NCAM2: variants seen among roughly 807,000 people sequenced by gnomAD.
NCAM2 encodes neural cell adhesion molecule 2, also known as N-CAM-2.
A neutral mutation model predicts 98.1 loss-of-function variants in NCAM2; 30 were observed. The observed-to-expected ratio is 0.31, with a 90% CI of 0.23 to 0.41. The LOEUF is 0.41. NCAM2 is among the 10% of genes least tolerant of loss of function. NCAM2 has a pLI of 1.00. For missense variants in NCAM2, 867 were observed against 1,005.8 expected, an observed-to-expected ratio of 0.86 and a Z score of 1.87; for synonymous variants, 368 against 342.4, an observed-to-expected ratio of 1.07 and a Z score of -0.83.
At chr21:21,295,625 C>G (rs1601894184) in intron 5 of NCAM2, among the ~76,000 whole-genome samples, 2 of 151,854 alleles carry the variant, frequency 1.3e-5, no homozygotes, top group South Asian at 4.1e-4. Flanking sequence ...TTCCTTCCGC[C>G]ATGAAAAGAG....
At chr21:21,458,413 G>A (rs1982470810) in intron 12 of NCAM2, among the ~76,000 whole-genome samples, 1 of 152,328 alleles carries the variant, frequency 6.6e-6, no homozygotes, top group South Asian at 2.1e-4. Context: ...GAGCCGCTGG[G>A]CCCCAGCAGA....
intron 9 of NCAM2, among the ~76,000 whole-genome samples, chr21:21,379,396 A>G (rs1457863514): frequency 6.6e-6 from 1 of 152,064 alleles, no homozygotes; most frequent in African/African-American, 2.4e-5. Flanking sequence ...ATAGAATCAC[A>G]TAACTCCAGA....
chr21:21,023,289 C>T (rs868610102), intron 1 of NCAM2, among the ~76,000 whole-genome samples: 5 of 151,946 alleles, frequency 3.3e-5, no homozygotes, highest in East Asian at 1.9e-4. Context: ...TTTGGGAGGC[C>T]GAGGTGGACA....
intron 1 of NCAM2, among the ~76,000 whole-genome samples, chr21:21,142,519 C>T (rs1478440472): frequency 2.0e-5 from 3 of 149,998 alleles, no homozygotes; most frequent in Non-Finnish European, 4.4e-5. Flanking sequence ...GCTGGGACTA[C>T]AGGCGTCCGC....
intron 1 of NCAM2, among the ~76,000 whole-genome samples, chr21:21,027,807 G>T (rs914797994): frequency 2.6e-5 from 4 of 151,318 alleles, no homozygotes; most frequent in Non-Finnish European, 1.5e-5. Context: ...TGTCAAAATT[G>T]AGTCCTGAAT....
At chr21:21,009,299 C>T (rs2064164130) in intron 1 of NCAM2, among the ~76,000 whole-genome samples, 1 of 152,048 alleles carries the variant, frequency 6.6e-6, no homozygotes, top group South Asian at 2.1e-4. Context: ...GTTTTGTTTA[C>T]ATCACTGACA....
chr21:21,197,350 G>A (rs960603496), intron 1 of NCAM2, among the ~76,000 whole-genome samples: 7 of 152,044 alleles, frequency 4.6e-5, no homozygotes, highest in Non-Finnish European at 7.4e-5. Flanking sequence ...GGCTGGTCTC[G>A]AACTCCTGGC....
chr21:21,328,443 A>T (rs959690188), intron 6 of NCAM2, among the ~76,000 whole-genome samples: 1 of 152,138 alleles, frequency 6.6e-6, no homozygotes, highest in East Asian at 1.9e-4. Flanking sequence ...AAGGATTGTT[A>T]TCCTAGGAGA....
At chr21:21,444,052 GA>G in intron 12 of NCAM2, among the ~76,000 whole-genome samples, 1 of 152,186 alleles carries the variant, frequency 6.6e-6, no homozygotes, top group East Asian at 1.9e-4. Flanking sequence ...AACATGAAGG[GA>G]TGTTGAATTT....
intron 5 of NCAM2, among the ~76,000 whole-genome samples, chr21:21,292,757 A>C (rs143111841): frequency 1.3e-5 from 2 of 151,886 alleles, no homozygotes; most frequent in Non-Finnish European, 2.9e-5. Context: ...ATGATATTCT[A>C]TGGAGCTGGA....
intron 16 of NCAM2, among the ~76,000 whole-genome samples, chr21:21,520,663 T>C (rs1440253158): frequency 6.6e-6 from 1 of 152,128 alleles, no homozygotes; most frequent in East Asian, 1.9e-4. Context: ...TCAACAATTC[T>C]TAGATTCATA....
At chr21:21,291,714 C>T (rs2073302927) in intron 4 of NCAM2, among the ~76,000 whole-genome samples, 1 of 151,496 alleles carries the variant, frequency 6.6e-6, no homozygotes, top group African/African-American at 2.4e-5. Flanking sequence ...AATAAATTTT[C>T]TAGCCCTTTT....
In NCAM2 at chr21:21,285,519, G is replaced by T. The variant is rs540591167; in HGVS notation, c.338-750G>T. 1.4e-3 allele frequency among the ~76,000 whole-genome samples: 219 copies of T among 151,916 alleles called. 2 individuals carry two copies. Among genetic ancestry groups the T allele is most frequent in the African/African-American group, 5.1e-3 (210 of 41,488 alleles). ...AATAGCAAATAATTAAATTGAAATG[G>T]TCATTTTATAGATATAATGTTTGGA... On this transcript the variant is annotated intron_variant, in intron 3 of 17. Transcript: ENST00000400546.
chr21:21,053,861 G>T (rs2146304010), intron 1 of NCAM2, among the ~76,000 whole-genome samples: 1 of 150,572 alleles, frequency 6.6e-6, no homozygotes, highest in Admixed American at 6.6e-5. Flanking sequence ...TTCATATATG[G>T]TATTTTTAAT....
At chr21:21,201,443 G>A (rs571186750) in intron 1 of NCAM2, among the ~76,000 whole-genome samples, 1 of 152,222 alleles carries the variant, frequency 6.6e-6, no homozygotes, top group African/African-American at 2.4e-5. Context: ...TCCCAGCTTA[G>A]GCAATCTGAA....
intron 4 of NCAM2, 57 bp downstream of exon 4, chr21:21,286,469 A>G (rs902810289): frequency 3.3e-6 from 5 of 1,525,296 alleles, no homozygotes; most frequent in Non-Finnish European, 1.8e-6. Context: ...CAGTTTTTAA[A>G]AATCTGAATC....
chr21:21,031,373 A>G (rs188436681), intron 1 of NCAM2, among the ~76,000 whole-genome samples: 32 of 152,338 alleles, frequency 2.1e-4, no homozygotes, highest in Admixed American at 1.9e-3. Context: ...TCAGAGTCAC[A>G]CAACTGATTA....
chr21:21,358,154 C>T (rs1483893981), intron 8 of NCAM2, among the ~76,000 whole-genome samples: 1 of 152,182 alleles, frequency 6.6e-6, no homozygotes, highest in East Asian at 1.9e-4. Flanking sequence ...TGTGATGTTG[C>T]CGTAGAGGAT....
intron 5 of NCAM2, among the ~76,000 whole-genome samples, chr21:21,309,197 A>G (rs1476631111): frequency 1.3e-5 from 2 of 152,086 alleles, no homozygotes; most frequent in African/African-American, 2.4e-5. Flanking sequence ...ATTATATCTT[A>G]TATTTCCTGC....
Sources: gnomAD v4.1 joint callset for allele counts (sites outside exome capture counted in the v4.1 genomes callset) on GRCh38, gnomAD v4.1.1 for gene constraint, MANE v1.5 for transcripts, NCBI Gene and HGNC (gene_info 2026-07-23, HGNC 2026-07-21) for gene names.